Variants in PDGFD observed in about 807,000 individuals in gnomAD.
The protein encoded by PDGFD is platelet derived growth factor D.
A neutral mutation model predicts 44.7 loss-of-function variants in PDGFD; 30 were observed. The ratio of observed to expected loss-of-function variants is 0.67; its 90% CI spans 0.50 to 0.91. The LOEUF (loss-of-function observed/expected upper bound fraction) is 0.91, where lower values mean the gene tolerates loss of function less well. PDGFD is among the 40% of genes least tolerant of loss of function. The pLI is 0.00. For missense variants in PDGFD, 445 were observed against 457.8 expected (o/e 0.97, Z 0.25); for synonymous variants, 173 against 168.4 (o/e 1.03, Z -0.21).
intron 3 of PDGFD, among the ~76,000 whole-genome samples, chr11:103,982,950 C>A (rs1483763399): frequency 6.6e-6 from 1 of 151,688 alleles, no homozygotes; most frequent in Non-Finnish European, 1.5e-5. Context: ...ATTCCATGCT[C>A]ATGGATAGAG....
At chr11:104,006,055 C>T (rs1448199888) in intron 1 of PDGFD, among the ~76,000 whole-genome samples, 1 of 152,154 alleles carries the variant, frequency 6.6e-6, no homozygotes, top group East Asian at 1.9e-4. Context: ...GTTCAGCAAA[C>T]TCAGCTCACC....
chr11:103,949,091 C>T lies in PDGFD; in HGVS notation c.511-1367G>A, dbSNP rs1160028084. Among the ~76,000 whole-genome samples, 10 of 149,404 alleles carry T rather than the reference C, an allele frequency of 6.7e-5. No individual in the cohort carries two copies. The Admixed American group carries it at 6.9e-4, about 10-fold the overall frequency. ...GATCTTGGCTTACTGCAACCTCTGC[C>T]TCCCAGGTTCAAGCAATTCTCCTGC... is the stretch of plus-strand genomic sequence containing the variant. On this transcript the variant is annotated intron_variant, in intron 3 of 6. Transcript: ENST00000393158.
chr11:103,937,974 T>A (rs530106561), intron 5 of PDGFD, among the ~76,000 whole-genome samples: 2,160 of 151,376 alleles, frequency 0.014, 75 homozygotes, highest in African/African-American at 0.05. Context: ...TTAGGTTGGT[T>A]CCAAGTCTTT....
chr11:103,979,281 G>A (rs1288281525), intron 3 of PDGFD, among the ~76,000 whole-genome samples: 2 of 151,968 alleles, frequency 1.3e-5, no homozygotes, highest in Admixed American at 6.6e-5. Flanking sequence ...GTTACCAGTC[G>A]GTAACTCACT....
intron 1 of PDGFD, among the ~76,000 whole-genome samples, chr11:104,161,523 C>T (rs11226209): frequency 0.2 from 30,733 of 152,128 alleles, 3,103 homozygotes; most frequent in Middle Eastern, 0.29. Context: ...AAACTCTATG[C>T]CAATGTTTCT....
At chr11:104,113,754 G>C (rs573289618) in intron 1 of PDGFD, among the ~76,000 whole-genome samples, 1 of 152,000 alleles carries the variant, frequency 6.6e-6, no homozygotes, top group Non-Finnish European at 1.5e-5. Context: ...GAAAGTTCCT[G>C]TTGCTCCACA....
intron 3 of PDGFD, among the ~76,000 whole-genome samples, chr11:103,960,607 T>C (rs1451716500): frequency 6.6e-6 from 1 of 152,218 alleles, no homozygotes; most frequent in Non-Finnish European, 1.5e-5. Flanking sequence ...AATTCTAATG[T>C]CCTACTCTTG....
intron 1 of PDGFD, among the ~76,000 whole-genome samples, chr11:104,093,977 T>C (rs1861247067): frequency 6.6e-6 from 1 of 151,678 alleles, no homozygotes; most frequent in South Asian, 2.1e-4. Context: ...AAAGACTTGC[T>C]TACATGTGCT....
At chr11:104,128,409 A>G (rs1301553299) in intron 1 of PDGFD, among the ~76,000 whole-genome samples, 1 of 152,132 alleles carries the variant, frequency 6.6e-6, no homozygotes, top group Admixed American at 6.6e-5. Context: ...TGCTAGTGGT[A>G]CCCTCCATTC....
intron 5 of PDGFD, among the ~76,000 whole-genome samples, chr11:103,936,530 T>C (rs1565288796): frequency 6.6e-6 from 1 of 152,218 alleles, no homozygotes; most frequent in Non-Finnish European, 1.5e-5. Flanking sequence ...GAAAACATAC[T>C]GATATAAAAC....
intron 6 of PDGFD, among the ~76,000 whole-genome samples, chr11:103,921,934 C>T (rs1858230566): frequency 7.2e-6 from 1 of 139,338 alleles, no homozygotes; most frequent in South Asian, 2.3e-4. Context: ...TTCAAGTGCC[C>T]AACAGCCACA....
chr11:104,017,725 A>G (rs553817491), intron 1 of PDGFD, among the ~76,000 whole-genome samples: 29 of 152,198 alleles, frequency 1.9e-4, no homozygotes, highest in Non-Finnish European at 3.4e-4. Context: ...GACATTGCTT[A>G]TGTCTTTATC....
chr11:103,917,655 T>G (rs573128990), intron 6 of PDGFD, among the ~76,000 whole-genome samples: 5 of 152,180 alleles, frequency 3.3e-5, no homozygotes, highest in Non-Finnish European at 5.9e-5. Context: ...GGTATCATTA[T>G]GCCCACTTTA....
chr11:104,095,411 C>T (rs1388136087), intron 1 of PDGFD, among the ~76,000 whole-genome samples: 1 of 152,052 alleles, frequency 6.6e-6, no homozygotes, highest in Admixed American at 6.6e-5. Flanking sequence ...CTGAAGTAGG[C>T]AGCTCTCTCA....
At chr11:104,060,312 C>T (rs780498343) in intron 1 of PDGFD, among the ~76,000 whole-genome samples, 2 of 152,152 alleles carry the variant, frequency 1.3e-5, no homozygotes, top group Non-Finnish European at 2.9e-5. Flanking sequence ...CATGTGGCTT[C>T]CTCTTTCCTG....
intron 3 of PDGFD, among the ~76,000 whole-genome samples, chr11:103,992,716 A>G (rs1859476238): frequency 1.3e-5 from 2 of 152,234 alleles, no homozygotes; most frequent in South Asian, 4.1e-4. Context: ...CCAACCAAAA[A>G]TAAGTTATCT....
At chr11:103,992,389 G>A (rs1454248907) in intron 3 of PDGFD, among the ~76,000 whole-genome samples, 1 of 152,192 alleles carries the variant, frequency 6.6e-6, no homozygotes, top group Non-Finnish European at 1.5e-5. Flanking sequence ...ATGGTAAAAG[G>A]TAGAATTATT....
intron 1 of PDGFD, among the ~76,000 whole-genome samples, chr11:104,029,530 T>C (rs535484375): frequency 6.6e-6 from 1 of 152,364 alleles, no homozygotes; most frequent in Admixed American, 6.5e-5. Flanking sequence ...ACCTATCATG[T>C]ACATAATTCA....
chr11:104,037,685 G>C (rs1860274755), intron 1 of PDGFD: 17 of 1,614,116 alleles, frequency 1.1e-5, no homozygotes, highest in East Asian at 8.9e-5. Flanking sequence ...CGGTGGGCTG[G>C]GGTTGCTAAA....
Sources: allele counts gnomAD v4.1 joint callset (sites outside exome capture counted in the v4.1 genomes callset), GRCh38; gene constraint gnomAD v4.1.1; transcripts MANE v1.5; gene names NCBI Gene and HGNC (gene_info 2026-07-23, HGNC 2026-07-21).